CEP112: variants seen among roughly 807,000 people sequenced by gnomAD.
CEP112 encodes the protein centrosomal protein of 112 kDa.
A neutral mutation model predicts 153.0 loss-of-function variants in CEP112; 127 were observed. The ratio of observed to expected loss-of-function variants is 0.83; its 90% CI spans 0.72 to 0.96. The LOEUF (loss-of-function observed/expected upper bound fraction) is 0.96. Ranked by LOEUF, CEP112 falls within the 40% of genes least tolerant of loss-of-function variation. CEP112 has a pLI of 0.00. For synonymous variants in CEP112, 358 were observed against 374.4 expected (o/e 0.96, Z 0.51); for missense variants, 1,089 against 1,101.2 (o/e 0.99, Z 0.16).
At chr17:65,977,347 G>C (rs1040296097) in intron 17 of CEP112, among the ~76,000 whole-genome samples, 1 of 152,102 alleles carries the variant, frequency 6.6e-6, no homozygotes, top group Non-Finnish European at 1.5e-5. Context: ...AGTCAGTCTC[G>C]CAGTTTTCCA....
intron 16 of CEP112, among the ~76,000 whole-genome samples, chr17:66,025,097 G>A (rs1352752600): frequency 1.3e-5 from 2 of 152,046 alleles, no homozygotes; most frequent in Admixed American, 1.3e-4. Context: ...GCAGAAGAAT[G>A]AAACTGAATC....
chr17:65,983,640 T>TCC (rs1373830345), intron 17 of CEP112, among the ~76,000 whole-genome samples: 2 of 152,090 alleles, frequency 1.3e-5, no homozygotes, highest in African/African-American at 2.4e-5. Context: ...ACATACCTAC[T>TCC]CCCCCTCCAC....
intron 17 of CEP112, among the ~76,000 whole-genome samples, chr17:65,995,922 T>C (rs1317350889): frequency 6.6e-6 from 1 of 152,164 alleles, no homozygotes; most frequent in Non-Finnish European, 1.5e-5. Context: ...TGCTGCCATG[T>C]AAGAAGTGCC....
chr17:65,915,604 T>C lies in CEP112; in HGVS notation c.1980+11978A>G, dbSNP rs536125223. On this transcript the variant is annotated intron_variant, in intron 19 of 26. Transcript: ENST00000535342. ...TTCGAGACCAGCCTGGTCAACATAG[T>C]GAAACCCTGTCTCTGCTAAAAATAC... is the stretch of plus-strand genomic sequence containing the variant. Among the ~76,000 whole-genome samples the C allele has an allele frequency of 3.3e-5, 5 of 151,884 alleles. No individual in the cohort carries two copies. The East Asian group carries it at 5.8e-4, about 18-fold the overall frequency.
chr17:65,848,041 C>T (rs1001035784), intron 21 of CEP112, among the ~76,000 whole-genome samples: 2 of 152,188 alleles, frequency 1.3e-5, no homozygotes, highest in Admixed American at 6.5e-5. Context: ...ACCTGCACCA[C>T]CTCACAGATC....
At chr17:66,095,555 T>C (rs1224093730) in intron 8 of CEP112, among the ~76,000 whole-genome samples, 2 of 152,040 alleles carry the variant, frequency 1.3e-5, no homozygotes, top group African/African-American at 4.8e-5. Context: ...GATACAAAAT[T>C]TAAGTTAGAT....
intron 17 of CEP112, among the ~76,000 whole-genome samples, chr17:65,992,383 A>G (rs1020219220): frequency 6.6e-6 from 1 of 152,160 alleles, no homozygotes; most frequent in Non-Finnish European, 1.5e-5. Flanking sequence ...GGAATATTAT[A>G]AAAACTATGC....
intron 8 of CEP112, among the ~76,000 whole-genome samples, chr17:66,076,171 T>C (rs1334820806): frequency 1.3e-5 from 2 of 151,838 alleles, no homozygotes; most frequent in South Asian, 4.2e-4. Context: ...CAGCTGAACT[T>C]TGTAACAATT....
chr17:66,037,928 T>C (rs1428974735), intron 12 of CEP112, among the ~76,000 whole-genome samples: 1 of 151,840 alleles, frequency 6.6e-6, no homozygotes, highest in African/African-American at 2.4e-5. Context: ...GATTATTATA[T>C]ATCTGAGGCC....
At chr17:66,051,687 G>T (rs2066449108) in intron 12 of CEP112, among the ~76,000 whole-genome samples, 1 of 152,116 alleles carries the variant, frequency 6.6e-6, no homozygotes, top group Admixed American at 6.5e-5. Context: ...TCATACGCCT[G>T]CGTAACAACT....
chr17:66,147,708 A>G (rs966187022), intron 4 of CEP112, among the ~76,000 whole-genome samples: 1 of 152,172 alleles, frequency 6.6e-6, no homozygotes, highest in African/African-American at 2.4e-5. Context: ...TGAGAGTCCA[A>G]CTTAATTCTA....
chr17:66,129,980 A>G (rs2070056920), intron 5 of CEP112, among the ~76,000 whole-genome samples, 157 bp from the exon 6 acceptor site: 1 of 152,012 alleles, frequency 6.6e-6, no homozygotes, highest in African/African-American at 2.4e-5. Context: ...GGAAGGGATG[A>G]AAAGAAGGGA....
intron 4 of CEP112, among the ~76,000 whole-genome samples, chr17:66,167,802 T>C (rs1286029391): frequency 6.6e-6 from 1 of 152,134 alleles, no homozygotes. Flanking sequence ...TGTCTATAAA[T>C]ACAAAAGGGC....
chr17:66,154,021 A>T (rs1291018429), intron 4 of CEP112, among the ~76,000 whole-genome samples: 1 of 130,368 alleles, frequency 7.7e-6, no homozygotes, highest in Non-Finnish European at 1.7e-5. Context: ...AAAAAAAAAA[A>T]TACAAAAATC....
At chr17:65,752,014 T>TCCATC in intron 21 of CEP112, among the ~76,000 whole-genome samples, 1 of 81,058 alleles carries the variant, frequency 1.2e-5, no homozygotes, top group South Asian at 3.4e-4. Context: ...ACTGTTCCTT[T>TCCATC]CATCCATCCA....
At position 66,159,542 on chromosome 17, in the gene CEP112, C is replaced by T. The variant is rs139961074; in HGVS notation, c.470+15502G>A. 3.9e-3 allele frequency among the ~76,000 whole-genome samples: 587 copies of T among 152,280 alleles called. 3 individuals are homozygous for T. The highest frequency in any genetic ancestry group is 0.01 in the Middle Eastern group (3 of 294). On this transcript the variant is annotated intron_variant, in intron 4 of 26. Transcript: ENST00000535342. ...TCATCACTGGGATGCAAGGCTGGTTCAACATATGCAAATCAATAAATGTAA... is the reference window on the plus strand; with the variant it reads ...TCATCACTGGGATGCAAGGCTGGTTTAACATATGCAAATCAATAAATGTAA...
chr17:65,739,959 T>C (rs2051032015), intron 23 of CEP112, among the ~76,000 whole-genome samples: 1 of 152,180 alleles, frequency 6.6e-6, no homozygotes, highest in African/African-American at 2.4e-5. Flanking sequence ...TGCTTCTCTG[T>C]GCAAAAGTGC....
intron 19 of CEP112, among the ~76,000 whole-genome samples, chr17:65,908,843 TTGA>T (rs1482552601): frequency 3.3e-5 from 5 of 152,202 alleles, no homozygotes; most frequent in Non-Finnish European, 7.3e-5. Context: ...CTTCTACAGC[TTGA>T]TGATGACGTC....
intron 18 of CEP112, among the ~76,000 whole-genome samples, chr17:65,956,587 C>A (rs1296593079): frequency 6.7e-6 from 1 of 148,908 alleles, no homozygotes; most frequent in South Asian, 2.2e-4. Flanking sequence ...GACACAAACA[C>A]ATAAGAATGA....
Sources: gnomAD v4.1 joint callset for allele counts (sites outside exome capture counted in the v4.1 genomes callset) on GRCh38, gnomAD v4.1.1 for gene constraint, MANE v1.5 for transcripts, NCBI Gene and HGNC (gene_info 2026-07-23, HGNC 2026-07-21) for gene names.